The following DDHD1 variants were observed in gnomAD, a reference collection of about 807,000 sequenced individuals.
DDHD1 encodes DDHD domain containing 1, also known as phospholipase DDHD1.
Under a neutral mutation model 96.4 loss-of-function variants are expected in DDHD1, and 49 were observed. The ratio of observed to expected loss-of-function variants is 0.51; its 90% CI spans 0.40 to 0.64. The LOEUF is 0.64. Among genes scored for constraint, DDHD1 ranks in the 30% least tolerant of loss-of-function variants. The pLI is 0.00. For missense variants in DDHD1, 1,106 were observed against 1,161.2 expected, an observed-to-expected ratio of 0.95 and a Z score of 0.69; for synonymous variants, 442 against 446.5, an observed-to-expected ratio of 0.99 and a Z score of 0.13.
chr14:53,063,823 G>T (rs1367776424), intron 6 of DDHD1, among the ~76,000 whole-genome samples: 1 of 152,048 alleles, frequency 6.6e-6, no homozygotes, highest in Admixed American at 6.5e-5. Context: ...GGAAAGCAGG[G>T]CTATTTTAAG....
chr14:53,072,389 C>T (rs1319929373), intron 6 of DDHD1, among the ~76,000 whole-genome samples: 1 of 151,988 alleles, frequency 6.6e-6, no homozygotes, highest in Non-Finnish European at 1.5e-5. Flanking sequence ...ATTTTCTAAA[C>T]AGTCCCCCAA....
intron 6 of DDHD1, among the ~76,000 whole-genome samples, chr14:53,069,841 A>G (rs1884361729): frequency 6.6e-6 from 1 of 152,140 alleles, no homozygotes; most frequent in Non-Finnish European, 1.5e-5. Context: ...AATCACTGCT[A>G]AAGATTGCTG....
At chr14:53,088,355 A>C (rs984185813) in intron 4 of DDHD1, among the ~76,000 whole-genome samples, 5 of 152,228 alleles carry the variant, frequency 3.3e-5, no homozygotes, top group African/African-American at 9.6e-5. Context: ...GGCCTGGCAG[A>C]GACACAACAA....
At chr14:53,090,021 T>C (rs1273782015) in intron 4 of DDHD1, among the ~76,000 whole-genome samples, 3 of 152,052 alleles carry the variant, frequency 2.0e-5, no homozygotes, top group Non-Finnish European at 4.4e-5. Context: ...TTAAACAAAT[T>C]GACAAGAAAA....
chr14:53,047,557 C>T (rs1055001772), intron 12 of DDHD1, among the ~76,000 whole-genome samples: 4 of 152,138 alleles, frequency 2.6e-5, no homozygotes, highest in African/African-American at 7.2e-5. Flanking sequence ...GACATACAAA[C>T]GCTCATTAAG....
chr14:53,099,790 A>C (rs1368256361), intron 2 of DDHD1, among the ~76,000 whole-genome samples: 1 of 152,190 alleles, frequency 6.6e-6, no homozygotes, highest in Non-Finnish European at 1.5e-5. Context: ...CCCAGGAGGT[A>C]GGGTAAGAAG....
chr14:53,149,294 G>A (rs1000388344), intron 1 of DDHD1, among the ~76,000 whole-genome samples: 2 of 152,150 alleles, frequency 1.3e-5, no homozygotes. Context: ...AATCTAAATG[G>A]CCAATGGATT....
At chr14:53,058,956 A>G (rs1357831621) in intron 8 of DDHD1, among the ~76,000 whole-genome samples, 5 of 152,244 alleles carry the variant, frequency 3.3e-5, no homozygotes, top group Non-Finnish European at 5.9e-5. Context: ...TGTGATAGAT[A>G]TAAAGACCAG....
At chr14:53,065,008 A>G (rs1883901071) in intron 6 of DDHD1, among the ~76,000 whole-genome samples, 1 of 152,116 alleles carries the variant, frequency 6.6e-6, no homozygotes, top group African/African-American at 2.4e-5. Flanking sequence ...TTCATTTGGG[A>G]CATCTCAGCC....
chr14:53,142,910 G>A (rs1484568768), intron 1 of DDHD1, among the ~76,000 whole-genome samples: 1 of 152,198 alleles, frequency 6.6e-6, no homozygotes, highest in Non-Finnish European at 1.5e-5. Flanking sequence ...TGCCAAGTGA[G>A]GAAACAGACT....
chr14:53,073,446 A>G (rs1046772829), intron 5 of DDHD1, among the ~76,000 whole-genome samples: 2 of 152,076 alleles, frequency 1.3e-5, no homozygotes, highest in African/African-American at 4.8e-5. Flanking sequence ...AAACTTTAGA[A>G]AACATTTTGT....
At chr14:53,117,473 C>T (rs906671584) in intron 1 of DDHD1, among the ~76,000 whole-genome samples, 24 of 152,202 alleles carry the variant, frequency 1.6e-4, no homozygotes, top group African/African-American at 5.3e-4. Flanking sequence ...TCTTAGCAAC[C>T]GGCAGACCAG....
At chr14:53,123,156 T>TATTATC (rs2139807861) in intron 1 of DDHD1, among the ~76,000 whole-genome samples, 1 of 128,828 alleles carries the variant, frequency 7.8e-6, no homozygotes, top group Non-Finnish European at 1.7e-5. Context: ...TTATTATTAT[T>TATTATC]ATTATTTTGA....
rs145456012 is a variant in DDHD1 at position 53,103,719 on chromosome 14, C to T, written c.976G>A (p.Asp326Asn). 7 of 1,612,568 alleles carry T rather than the reference C, an allele frequency of 4.3e-6. No individual in the cohort carries two copies. The highest frequency in any genetic ancestry group is 2.7e-5 in the African/African-American group (2 of 74,820). Residue 326 changes from aspartate (D) to asparagine (N), a missense_variant, in exon 2 of 13, where the codon GAT (aspartate) becomes AAT (asparagine). Physicochemically the swap from Asp to Asn is conservative, Grantham distance 23. Coordinates refer to ENST00000673822, the MANE Select transcript of DDHD1 (RefSeq NM_001160148.2). Reference protein sequence around the residue: ...FRGQQMQENFDIEVSKSIDGK... With the variant: ...FRGQQMQENFNIEVSKSIDGK... ...TCTATGGATTTTGACACTTCAATATCGAAATTTTCCTGCATCTGCTGGCCC... is the reference window on the plus strand; with the variant it reads ...TCTATGGATTTTGACACTTCAATATTGAAATTTTCCTGCATCTGCTGGCCC...
chr14:53,054,720 A>G lies in DDHD1; in HGVS notation c.2246-91T>C, dbSNP rs1300791386. The G allele has an allele frequency of 1.1e-5, 14 of 1,287,872 alleles. No individual in the cohort carries two copies. The South Asian group carries it at 1.9e-4, about 17-fold the overall frequency. 79.8% of individuals were successfully genotyped at this position (1,287,872 alleles called of 1,614,324 possible). ...ACCCATAATTATAGCCAACTGGCAG[A>G]GGGACCAAACCCTAGTCATGTTTTT... On this transcript the variant is annotated intron_variant, in intron 10 of 12. Transcript: ENST00000673822.
chr14:53,113,163 C>T (rs370572324), intron 1 of DDHD1, among the ~76,000 whole-genome samples: 18 of 151,236 alleles, frequency 1.2e-4, no homozygotes, highest in African/African-American at 2.9e-4. Flanking sequence ...TTCAGGGTTT[C>T]GCTATGATAG....
chr14:53,063,136 C>T lies in DDHD1; in HGVS notation c.1573G>A (p.Glu525Lys). 1 of 1,613,990 alleles carries T rather than the reference C, an allele frequency of 6.2e-7. No individual in the cohort carries two copies. The highest frequency in any genetic ancestry group is 2.2e-5 in the East Asian group (1 of 44,866). ...SLFCSRNPDF[E>K]EKGGKVSIVS... ...ATTGAGACTTTACCCCCTTTTTCTT[C>T]AAAGTCTGGATTCCGAGAACAGAAA... is the stretch of plus-strand genomic sequence containing the variant. The change falls in exon 7 of 13, where the codon GAA becomes AAA. Residue 525 changes from glutamate to lysine, a missense_variant. Physicochemically the swap from Glu to Lys is moderately conservative, Grantham distance 56. This residue lies in a region of DDHD1 where 650 missense variants were observed against 758.8 expected (regional missense o/e 0.86). Coordinates refer to ENST00000673822, the MANE Select transcript of DDHD1 (RefSeq NM_001160148.2).
intron 1 of DDHD1, among the ~76,000 whole-genome samples, chr14:53,150,657 T>A (rs1595281233): frequency 6.6e-6 from 1 of 152,352 alleles, no homozygotes; most frequent in East Asian, 1.9e-4. Context: ...TTTATCCAAC[T>A]TTCTGACTCC....
At chr14:53,062,826 C>A in intron 7 of DDHD1, 117 bp downstream of exon 7, 1 of 1,102,610 alleles carries the variant, frequency 9.1e-7, no homozygotes, top group Non-Finnish European at 1.3e-6. Context: ...ATATAGTAAT[C>A]TTTGTATCTT....
Sources: gnomAD v4.1 joint callset for allele counts (sites outside exome capture counted in the v4.1 genomes callset) on GRCh38, gnomAD v4.1.1 for gene constraint, gnomAD v4.1.1 regional missense constraint, MANE v1.5 for transcripts, NCBI Gene and HGNC (gene_info 2026-07-23, HGNC 2026-07-21) for gene names.